CNTNAP2: variants seen among roughly 807,000 people sequenced by gnomAD.
CNTNAP2 encodes contactin-associated protein-like 2.
In CNTNAP2, 98 loss-of-function variants were observed where a neutral mutation model predicts 155.2. The observed-to-expected ratio is 0.63, with a 90% CI of 0.54 to 0.75. The LOEUF (loss-of-function observed/expected upper bound fraction) is 0.75. CNTNAP2 is among the 30% of genes least tolerant of loss of function. The pLI is 0.00. For synonymous variants in CNTNAP2, 651 were observed against 631.2 expected, an observed-to-expected ratio of 1.03 and a Z score of -0.47; for missense variants, 1,727 against 1,688.1, an observed-to-expected ratio of 1.02 and a Z score of -0.40.
At chr7:146,395,826 G>GAGGAGA (rs1563068432) in intron 1 of CNTNAP2, among the ~76,000 whole-genome samples, 114 of 116,830 alleles carry the variant, frequency 9.8e-4, no homozygotes, top group South Asian at 2.3e-3. Flanking sequence ...GATAGATAGA[G>GAGGAGA]GAGAGAGAGA....
chr7:147,106,294 G>T (rs924362432), intron 4 of CNTNAP2, among the ~76,000 whole-genome samples: 2 of 152,036 alleles, frequency 1.3e-5, no homozygotes, highest in Non-Finnish European at 2.9e-5. Flanking sequence ...AAGATAAAAA[G>T]TATCATCAAC....
intron 1 of CNTNAP2, among the ~76,000 whole-genome samples, chr7:146,725,824 C>A (rs1008045821): frequency 1.3e-5 from 2 of 152,158 alleles, no homozygotes; most frequent in Admixed American, 6.5e-5. Context: ...GCTCCCATTG[C>A]CAGGTCACCC....
chr7:148,224,723 C>T (rs1054946084), intron 19 of CNTNAP2, among the ~76,000 whole-genome samples: 12 of 152,246 alleles, frequency 7.9e-5, no homozygotes, highest in East Asian at 7.7e-4. Context: ...AATTTATAAA[C>T]GAAAGATTTT....
intron 4 of CNTNAP2, among the ~76,000 whole-genome samples, chr7:147,091,426 A>G (rs541659337): frequency 2.0e-5 from 3 of 152,148 alleles, no homozygotes; most frequent in South Asian, 4.1e-4. Flanking sequence ...CTAAGTTTAT[A>G]TTAAAGAAAC....
intron 1 of CNTNAP2, among the ~76,000 whole-genome samples, chr7:146,712,391 A>AGTATACATATCTTATGTATACTATATAT (rs1293782028): frequency 7.6e-6 from 1 of 132,170 alleles, no homozygotes; most frequent in Admixed American, 7.7e-5. Flanking sequence ...TATACTATAT[A>AGTATACATATCTTATGTATACTATATAT]TATAAATAAA....
chr7:147,611,378 T>A (rs1291279269), intron 12 of CNTNAP2, among the ~76,000 whole-genome samples: 1 of 152,002 alleles, frequency 6.6e-6, no homozygotes, highest in Admixed American at 6.6e-5. Flanking sequence ...CCAGTGTGAG[T>A]GAAAAAGGAA....
intron 13 of CNTNAP2, among the ~76,000 whole-genome samples, chr7:147,741,107 A>G (rs1160265784): frequency 6.6e-6 from 1 of 152,236 alleles, no homozygotes; most frequent in Non-Finnish European, 1.5e-5. Context: ...GATGATGGCC[A>G]TTGGAAGCTT....
At chr7:147,080,124 T>C (rs776028675) in intron 4 of CNTNAP2, among the ~76,000 whole-genome samples, 8 of 151,044 alleles carry the variant, frequency 5.3e-5, no homozygotes, top group Admixed American at 2.7e-4. Context: ...ACTGATGTCA[T>C]AACCAGATTG....
At chr7:146,326,652 T>C (rs1404960992) in intron 1 of CNTNAP2, among the ~76,000 whole-genome samples, 2 of 152,208 alleles carry the variant, frequency 1.3e-5, no homozygotes, top group Non-Finnish European at 2.9e-5. Context: ...GACAGGTACA[T>C]ACACCAATCA....
At chr7:147,447,079 A>G (rs1214155135) in intron 10 of CNTNAP2, among the ~76,000 whole-genome samples, 1 of 152,312 alleles carries the variant, frequency 6.6e-6, no homozygotes, top group East Asian at 1.9e-4. Context: ...TTTTTTAATT[A>G]CTATGACTTC....
At chr7:148,017,576 GTTTTAGAATAT>G (rs1802202584) in intron 15 of CNTNAP2, among the ~76,000 whole-genome samples, 1 of 152,150 alleles carries the variant, frequency 6.6e-6, no homozygotes, top group South Asian at 2.1e-4. Flanking sequence ...ATATGTTCTA[GTTTTAGAATAT>G]AAACTAGAAC....
intron 1 of CNTNAP2, among the ~76,000 whole-genome samples, chr7:146,150,324 T>A (rs1798018560): frequency 6.6e-6 from 1 of 152,070 alleles, no homozygotes; most frequent in African/African-American, 2.4e-5. Context: ...ATCATGTAAC[T>A]TTGAGAATCT....
At chr7:147,589,776 G>A (rs958870051) in intron 12 of CNTNAP2, among the ~76,000 whole-genome samples, 1 of 152,022 alleles carries the variant, frequency 6.6e-6, no homozygotes, top group Admixed American at 6.6e-5. Context: ...CTATTCCAAA[G>A]GTGCATGAGT....
chr7:146,302,455 G>C lies in CNTNAP2; in HGVS notation c.97+185482G>C, dbSNP rs371969686. Reference sequence around the variant, plus strand: ...GAAATATTAACAGCTGACACATATAGTATCTATTCTATTTCAGAGATAGTA... The same window carrying C: ...GAAATATTAACAGCTGACACATATACTATCTATTCTATTTCAGAGATAGTA... On this transcript the variant is annotated intron_variant, in intron 1 of 23. Transcript: ENST00000361727. 3.3e-5 allele frequency among the ~76,000 whole-genome samples: 5 copies of C among 152,176 alleles called. No homozygotes were observed. In the South Asian group the frequency reaches 1.0e-3, roughly 32 times the overall value.
chr7:147,759,607 T>G lies in CNTNAP2; in HGVS notation c.2098+120301T>G, dbSNP rs77372752. Among the ~76,000 whole-genome samples the G allele has an allele frequency of 2.0e-5, 3 of 152,294 alleles. No homozygotes were observed. In the East Asian group the frequency reaches 5.8e-4, roughly 29 times the overall value. ...CCAGCTTTCCTAATAATTCAAAGGA[T>G]GCAGATGATGATAAAGGCAATTCAC... On this transcript the variant is annotated intron_variant, in intron 13 of 23. Transcript: ENST00000361727.
intron 17 of CNTNAP2, among the ~76,000 whole-genome samples, chr7:148,149,226 T>C (rs190034013): frequency 2.6e-5 from 4 of 152,224 alleles, no homozygotes; most frequent in East Asian, 1.9e-4. Flanking sequence ...ACTGTGGCTG[T>C]GTGTAAGAAT....
chr7:146,394,040 C>T (rs1409839002), intron 1 of CNTNAP2, among the ~76,000 whole-genome samples: 2 of 152,094 alleles, frequency 1.3e-5, no homozygotes, highest in Non-Finnish European at 2.9e-5. Context: ...TGCTTGTTGT[C>T]GCTTTATCCA....
intron 20 of CNTNAP2, 46 bp downstream of exon 20, chr7:148,229,825 G>A: frequency 6.2e-7 from 1 of 1,607,740 alleles, no homozygotes. Context: ...TCGCATTATA[G>A]TCCCTGTCCC....
At chr7:147,473,629 CCT>C (rs1192241499) in intron 10 of CNTNAP2, among the ~76,000 whole-genome samples, 1 of 152,124 alleles carries the variant, frequency 6.6e-6, no homozygotes, top group East Asian at 1.9e-4. Flanking sequence ...CACCTCAGGT[CCT>C]CTCCAAGGAA....
Sources: gnomAD v4.1 joint callset for allele counts (sites outside exome capture counted in the v4.1 genomes callset) on GRCh38, gnomAD v4.1.1 for gene constraint, MANE v1.5 for transcripts, NCBI Gene and HGNC (gene_info 2026-07-23, HGNC 2026-07-21) for gene names.